The following CSGALNACT1 variants were observed in gnomAD, a reference collection of about 807,000 sequenced individuals.
CSGALNACT1 encodes the protein beta4GalNAcT-1.
Under a neutral mutation model 51.0 loss-of-function variants are expected in CSGALNACT1, and 52 were observed. That is an observed-to-expected ratio of 1.02 (90% CI 0.82 to 1.29). The LOEUF (loss-of-function observed/expected upper bound fraction) is 1.29, where lower values mean the gene tolerates loss of function less well. Ranked by LOEUF, CSGALNACT1 falls within the 50% of genes most tolerant of loss-of-function variation. The pLI is 0.00. For synonymous variants in CSGALNACT1, 341 were observed against 254.4 expected (o/e 1.34, Z -3.24); for missense variants, 935 against 679.2 (o/e 1.38, Z -4.19).
rs149690914 is a variant in CSGALNACT1, at chr8:19,515,087, T to C, written c.-296-8957A>G. ...CCCCAGTGCCAGGATCATGCCTTGA[T>C]CCCCCATTCCTTCGGGAACCCAGCC... On this transcript the variant is annotated intron_variant, in intron 3 of 9. Transcript: ENST00000454498. 1.7e-3 allele frequency among the ~76,000 whole-genome samples: 258 copies of C among 151,996 alleles called. 1 individual carries two copies. The highest frequency in any genetic ancestry group is 6.0e-3 in the African/African-American group (248 of 41,430).
At chr8:19,650,569 T>C (rs979741880) in intron 1 of CSGALNACT1, among the ~76,000 whole-genome samples, 6 of 152,174 alleles carry the variant, frequency 3.9e-5, no homozygotes, top group African/African-American at 1.4e-4. Context: ...CAGAAGATGC[T>C]GATGACGGGG....
At chr8:19,458,391 T>G (rs1309055320) in intron 5 of CSGALNACT1, 35 bp downstream of exon 4, 1 of 1,505,260 alleles carries the variant, frequency 6.6e-7, no homozygotes, top group Non-Finnish European at 9.3e-7. Context: ...ACACACATCA[T>G]GCGGAGGAAG....
intron 3 of CSGALNACT1, among the ~76,000 whole-genome samples, chr8:19,566,790 G>C (rs533853805): frequency 6.6e-6 from 1 of 152,248 alleles, no homozygotes; most frequent in East Asian, 1.9e-4. Flanking sequence ...TAACATAAAA[G>C]AGGATAACAA....
exon 10 of CSGALNACT1, chr8:19,405,068 TG>T (rs1439495565): frequency 2.2e-6 from 1 of 453,436 alleles, no homozygotes; most frequent in African/African-American, 2.0e-5. Context: ...AATATAAAAA[TG>T]TAGGCCAACT....
intron 1 of CSGALNACT1, among the ~76,000 whole-genome samples, chr8:19,703,606 C>T (rs1419415415): frequency 6.6e-6 from 1 of 152,142 alleles, no homozygotes; most frequent in African/African-American, 2.4e-5. Context: ...CATGCCCAGC[C>T]CTCTCTTTGT....
rs111734132 is a variant in CSGALNACT1 at position 19,577,401 on chromosome 8, C to CAAAAAAAAAAAAAAAAAAAAAAAAAAAA, written c.-297+13758_-297+13759insTTTTTTTTTTTTTTTTTTTTTTTTTTTT. Among the ~76,000 whole-genome samples, 16 of 104,234 alleles carry CAAAAAAAAAAAAAAAAAAAAAAAAAAAA rather than the reference C, an allele frequency of 1.5e-4. 1 individual carries two copies. The highest frequency in any genetic ancestry group is 6.5e-4 in the African/African-American group (15 of 23,136). 68.4% of individuals were successfully genotyped at this position (104,234 alleles called of 152,430 possible). On this transcript the variant is annotated intron_variant, in intron 3 of 9. Transcript: ENST00000454498. ...ACAACGAAGCCCGACCCCACCTCTA[C>CAAAAAAAAAAAAAAAAAAAAAAAAAAAA]AAAAAAAAAAAAAGCCTAGTATGGT...
At chr8:19,751,050 C>T (rs1339533727) in intron 1 of CSGALNACT1, among the ~76,000 whole-genome samples, 1 of 152,094 alleles carries the variant, frequency 6.6e-6, no homozygotes, top group Admixed American at 6.5e-5. Flanking sequence ...CTCCATCATG[C>T]CCAGAAATGG....
upstream of CSGALNACT1, among the ~76,000 whole-genome samples, chr8:19,602,991 T>C (rs530790854): frequency 4.8e-4 from 72 of 149,944 alleles, no homozygotes; most frequent in Admixed American, 7.3e-4. Flanking sequence ...TATATATACA[T>C]ACATACACAA....
chr8:19,481,096 T>G (rs578202816), intron 4 of CSGALNACT1, among the ~76,000 whole-genome samples: 3 of 152,318 alleles, frequency 2.0e-5, no homozygotes, highest in East Asian at 3.9e-4. Flanking sequence ...AAGGCTGTAA[T>G]TAATCAGGCA....
chr8:19,412,081 C>G (rs1363973910), intron 8 of CSGALNACT1, among the ~76,000 whole-genome samples: 1 of 152,210 alleles, frequency 6.6e-6, no homozygotes, highest in Non-Finnish European at 1.5e-5. Flanking sequence ...GATCCACCTG[C>G]CTCAGCCTCC....
intron 3 of CSGALNACT1, among the ~76,000 whole-genome samples, chr8:19,533,896 C>A (rs2083257463): frequency 6.6e-6 from 1 of 151,986 alleles, no homozygotes; most frequent in South Asian, 2.1e-4. Flanking sequence ...ATGTTTAAAA[C>A]CATGAGGGGA....
At chr8:19,634,784 G>A (rs547551806) in intron 1 of CSGALNACT1, among the ~76,000 whole-genome samples, 38 of 152,152 alleles carry the variant, frequency 2.5e-4, no homozygotes, top group African/African-American at 8.2e-4. Context: ...GCAAAGTGGC[G>A]CACGCCTTCA....
At chr8:19,542,101 T>C (rs921918266) in intron 3 of CSGALNACT1, among the ~76,000 whole-genome samples, 2 of 152,014 alleles carry the variant, frequency 1.3e-5, no homozygotes, top group Non-Finnish European at 2.9e-5. Flanking sequence ...AAAGAATAAA[T>C]GACAAGGAAT....
chr8:19,666,998 A>AG (rs1491320810), intron 1 of CSGALNACT1, among the ~76,000 whole-genome samples: 138 of 23,758 alleles, frequency 5.8e-3, no homozygotes, highest in African/African-American at 0.017. Context: ...AAAGAAAGAA[A>AG]GAAAGAAAGA....
intron 1 of CSGALNACT1, among the ~76,000 whole-genome samples, chr8:19,673,362 T>C (rs2059935272): frequency 6.6e-6 from 1 of 152,234 alleles, no homozygotes; most frequent in African/African-American, 2.4e-5. Flanking sequence ...TTGTTTCAAC[T>C]TGCTCATGCT....
intron 3 of CSGALNACT1, among the ~76,000 whole-genome samples, chr8:19,540,594 C>G (rs145331435): frequency 3.2e-4 from 48 of 152,306 alleles, no homozygotes; most frequent in African/African-American, 1.1e-3. Context: ...TTTCAAATGT[C>G]TTAATGTGGT....
chr8:19,573,952 T>C (rs1392798741), intron 3 of CSGALNACT1, among the ~76,000 whole-genome samples: 1 of 152,296 alleles, frequency 6.6e-6, no homozygotes, highest in African/African-American at 2.4e-5. Flanking sequence ...AGAGAAAAAG[T>C]CTCTGTTACT....
chr8:19,697,669 G>T (rs755493851), intron 1 of CSGALNACT1, among the ~76,000 whole-genome samples: 9 of 152,158 alleles, frequency 5.9e-5, no homozygotes, highest in Non-Finnish European at 1.2e-4. Flanking sequence ...TGGGTCCAGC[G>T]GCTTCAGGGC....
chr8:19,493,940 C>G (rs114459046), intron 4 of CSGALNACT1, among the ~76,000 whole-genome samples: 262 of 151,992 alleles, frequency 1.7e-3, no homozygotes, highest in African/African-American at 5.8e-3. Flanking sequence ...CATGGCTACT[C>G]TGTGTTTAAC....
Sources: allele counts gnomAD v4.1 joint callset (sites outside exome capture counted in the v4.1 genomes callset), GRCh38; gene constraint gnomAD v4.1.1; transcripts MANE v1.5; gene names NCBI Gene and HGNC (gene_info 2026-07-23, HGNC 2026-07-21).